The following AAK1 variants were observed in gnomAD, a reference collection of about 807,000 sequenced individuals.
AAK1 encodes the protein AP2-associated protein kinase 1.
Under a neutral mutation model 116.0 loss-of-function variants are expected in AAK1, and 37 were observed. The observed-to-expected ratio is 0.32, with a 90% CI of 0.25 to 0.42. AAK1 has a LOEUF of 0.42. Ranked by LOEUF, AAK1 falls within the 10% of genes least tolerant of loss-of-function variation. The pLI is 1.00. For missense variants in AAK1, 919 were observed against 1,170.6 expected, an observed-to-expected ratio of 0.79 and a Z score of 3.14; for synonymous variants, 458 against 439.9, an observed-to-expected ratio of 1.04 and a Z score of -0.51.
intron 5 of AAK1, among the ~76,000 whole-genome samples, chr2:69,533,513 T>A (rs928020691): frequency 1.3e-5 from 2 of 152,248 alleles, no homozygotes; most frequent in African/African-American, 4.8e-5. Flanking sequence ...ATAGTCTGTA[T>A]CTGCCAATTC....
At chr2:69,589,133 G>A (rs1572984678) in intron 2 of AAK1, among the ~76,000 whole-genome samples, 1 of 152,164 alleles carries the variant, frequency 6.6e-6, no homozygotes, top group African/African-American at 2.4e-5. Flanking sequence ...GAATCCCTTG[G>A]TCAGAGATGT....
At chr2:69,537,440 C>T (rs1670522009) in intron 5 of AAK1, among the ~76,000 whole-genome samples, 1 of 152,154 alleles carries the variant, frequency 6.6e-6, no homozygotes, top group South Asian at 2.1e-4. Context: ...ACCAGCAGAC[C>T]CACAGGCAGA....
rs1035908495 is a variant in AAK1 at position 69,460,976 on chromosome 2, C to T, written c.*14893G>A. 1 of 152,146 alleles carries T rather than the reference C, an allele frequency of 6.6e-6. No homozygotes were observed. Among genetic ancestry groups the T allele is most frequent in the Non-Finnish European group, 1.5e-5 (1 of 68,016 alleles). 9.4% of individuals were successfully genotyped at this position (152,146 alleles called of 1,614,324 possible). ...AGGTCACAACTTCTATGTTCCCTAT[C>T]AAATGTGTAAAGCAAAAACACAACA... On this transcript the variant is annotated 3_prime_UTR_variant, in exon 22 of 22. Transcript: ENST00000409085.
intron 15 of AAK1, 38 bp from the exon 16 acceptor site, chr2:69,505,711 A>T: frequency 1.9e-6 from 3 of 1,552,600 alleles, no homozygotes; most frequent in Non-Finnish European, 2.7e-6. Context: ...ATTCTAGCAG[A>T]ATCTTGCGAG....
chr2:69,506,858 G>A (rs555172474), intron 15 of AAK1, among the ~76,000 whole-genome samples: 3 of 122,902 alleles, frequency 2.4e-5, no homozygotes, highest in African/African-American at 9.8e-5. Context: ...TCCAAAGTGT[G>A]TGCATGTGCC....
rs201581559 is a variant in AAK1, at chr2:69,461,595, A to AT, written c.*14273dup. 0.1 allele frequency: 37,128 copies of AT among 367,160 alleles called. No homozygotes were observed. The highest frequency in any genetic ancestry group is 0.13 in the South Asian group (6,551 of 50,170). The allele number at this position is 367,160 out of a possible 1,614,324, so 22.7% of individuals were successfully genotyped here. The stretch of plus-strand genomic sequence containing the variant: ...TCCACCCATCATGTCTCCAGTGACA[A>AT]TTTTTTTTTTTTTTTTGAGGCGGAG... On this transcript the variant is annotated 3_prime_UTR_variant, in exon 22 of 22. Coordinates refer to ENST00000409085, the MANE Select transcript of AAK1 (RefSeq NM_014911.5).
At chr2:69,584,202 C>T (rs1342093539) in intron 2 of AAK1, among the ~76,000 whole-genome samples, 3 of 152,180 alleles carry the variant, frequency 2.0e-5, no homozygotes, top group African/African-American at 4.8e-5. Context: ...AATCTAGCAT[C>T]TTCCTTAAAA....
chr2:69,626,379 G>A (rs1431273338), intron 2 of AAK1, among the ~76,000 whole-genome samples: 2 of 151,662 alleles, frequency 1.3e-5, no homozygotes, highest in African/African-American at 4.8e-5. Context: ...AACTGCTAAC[G>A]AAGCTCACAA....
chr2:69,616,312 G>T (rs1674325547), intron 2 of AAK1, among the ~76,000 whole-genome samples: 1 of 152,044 alleles, frequency 6.6e-6, no homozygotes, highest in Non-Finnish European at 1.5e-5. Context: ...CATTGTTAAT[G>T]TACTAAATGC....
Position 69,474,939 on chromosome 2 carries a change from T to C in AAK1, c.*930A>G. The C allele has an allele frequency of 1.0e-6, 1 of 985,362 alleles. No individual in the cohort carries two copies. The highest frequency in any genetic ancestry group is 1.2e-6 in the Non-Finnish European group (1 of 829,898). The allele number at this position is 985,362 out of a possible 1,614,324, so 61.0% of individuals were successfully genotyped here. On this transcript the variant is annotated 3_prime_UTR_variant, in exon 22 of 22. Transcript: ENST00000409085. ...AAAAATCACAAGAAAAATACATCTG[T>C]TTCTGCTACAATTCCTTCCCCTCCC...
At chr2:69,613,827 T>C (rs1320456410) in intron 2 of AAK1, among the ~76,000 whole-genome samples, 1 of 152,120 alleles carries the variant, frequency 6.6e-6, no homozygotes. Flanking sequence ...TTTCCCTGAG[T>C]GGTGTGAGCC....
intron 16 of AAK1, among the ~76,000 whole-genome samples, chr2:69,497,389 G>GCCTC (rs1675791747): frequency 7.4e-6 from 1 of 134,452 alleles, no homozygotes; most frequent in South Asian, 2.3e-4. Context: ...TGCAAGCTCT[G>GCCTC]CCTCCCAGGT....
At chr2:69,548,502 CCTTT>C (rs936710560) in intron 3 of AAK1, among the ~76,000 whole-genome samples, 8 of 150,140 alleles carry the variant, frequency 5.3e-5, no homozygotes, top group African/African-American at 1.5e-4. Flanking sequence ...CTCTCTCCTT[CCTTT>C]CTCTCTTTCT....
intron 2 of AAK1, among the ~76,000 whole-genome samples, chr2:69,631,728 C>T (rs1675184023): frequency 1.3e-5 from 2 of 152,196 alleles, no homozygotes. Context: ...ACCTGTAATT[C>T]CAGCACTTTG....
rs141420459 is a variant in AAK1, at chr2:69,618,232, G to T, written c.163+24646C>A. Among the ~76,000 whole-genome samples the T allele has an allele frequency of 3.2e-4, 48 of 151,506 alleles. No individual in the cohort carries two copies. The East Asian group carries it at 9.3e-3, about 29-fold the overall frequency. ...CATGTACACATAAAATTAAATATAA[G>T]TAGAGATATAAATAAATATATAATA... On this transcript the variant is annotated intron_variant, in intron 2 of 21. Coordinates refer to ENST00000409085, the MANE Select transcript of AAK1 (RefSeq NM_014911.5).
At chr2:69,492,518 CTTTTTT>C (rs987331929) in intron 17 of AAK1, among the ~76,000 whole-genome samples, 876 of 83,396 alleles carry the variant, frequency 0.011, 12 homozygotes, top group African/African-American at 0.043. Context: ...CTGGCCAATT[CTTTTTT>C]TTTTTTTTTT....
At chr2:69,588,910 A>C (rs1672902500) in intron 2 of AAK1, among the ~76,000 whole-genome samples, 1 of 152,114 alleles carries the variant, frequency 6.6e-6, no homozygotes, top group Non-Finnish European at 1.5e-5. Context: ...AAGAACTGCT[A>C]CCAAAAAGGC....
chr2:69,588,840 A>G (rs1161214753), intron 2 of AAK1, among the ~76,000 whole-genome samples: 1 of 152,210 alleles, frequency 6.6e-6, no homozygotes, highest in African/African-American at 2.4e-5. Context: ...CTATCCCAGT[A>G]CATTATGTAG....
chr2:69,596,537 G>T (rs547697635), intron 2 of AAK1, among the ~76,000 whole-genome samples: 8 of 152,260 alleles, frequency 5.3e-5, no homozygotes, highest in African/African-American at 7.2e-5. Flanking sequence ...TGACTTTCAA[G>T]TATTATTATT....
Sources: allele counts gnomAD v4.1 joint callset (sites outside exome capture counted in the v4.1 genomes callset), GRCh38; gene constraint gnomAD v4.1.1; transcripts MANE v1.5; gene names NCBI Gene and HGNC (gene_info 2026-07-23, HGNC 2026-07-21).